Variants in AGPAT4 observed in about 807,000 individuals in gnomAD.
AGPAT4 encodes the protein 1-acylglycerol-3-phosphate O-acyltransferase 4, also known as 1-acyl-sn-glycerol-3-phosphate acyltransferase delta.
A neutral mutation model predicts 48.0 loss-of-function variants in AGPAT4; 15 were observed. The ratio of observed to expected loss-of-function variants is 0.31; its 90% confidence interval spans 0.21 to 0.48. The LOEUF (loss-of-function observed/expected upper bound fraction) is 0.48. Among genes scored for constraint, AGPAT4 ranks in the 20% least tolerant of loss-of-function variants. The probability of loss-of-function intolerance (pLI) is 0.99; values close to 1 mark genes in which losing one functional copy is unlikely to be tolerated. For synonymous variants in AGPAT4, 178 were observed against 198.7 expected (o/e 0.90, Z 0.88); for missense variants, 314 against 482.5 (o/e 0.65, Z 3.27).
intron 2 of AGPAT4, among the ~76,000 whole-genome samples, chr6:161,203,531 G>C (rs1370327611): frequency 6.6e-6 from 1 of 151,870 alleles, no homozygotes; most frequent in Non-Finnish European, 1.5e-5. Context: ...TGGGATTACA[G>C]GCGCCTGCCA....
intron 3 of AGPAT4, chr6:161,160,656 T>G (rs1268236662): frequency 3.8e-6 from 1 of 264,428 alleles, no homozygotes; most frequent in African/African-American, 2.2e-5. Flanking sequence ...AGCAGGATAC[T>G]GATCACTACT....
chr6:161,213,048 C>A (rs1018091560), intron 2 of AGPAT4, among the ~76,000 whole-genome samples: 1 of 152,238 alleles, frequency 6.6e-6, no homozygotes, highest in Admixed American at 6.5e-5. Context: ...AGCCCCTGCA[C>A]AGGGTTCCTG....
At position 161,131,942 on chromosome 6, in the gene AGPAT4, G is replaced by C. The variant is rs756357463; in HGVS notation, c.*4598C>G. 1 of 152,252 alleles carries C rather than the reference G, an allele frequency of 6.6e-6. No homozygotes were observed. The highest frequency in any genetic ancestry group is 1.5e-5 in the Non-Finnish European group (1 of 68,042). 9.4% of individuals were successfully genotyped at this position (152,252 alleles called of 1,614,324 possible). ...GTGTTTAAATGTACTTGACACTCTG[G>C]AAACACTCAACCTAAGCCCTGGATG... On this transcript the variant is annotated 3_prime_UTR_variant, in exon 9 of 9. Transcript: ENST00000320285.
At chr6:161,160,046 T>TC (rs1779880266) in intron 3 of AGPAT4, 1 of 148,928 alleles carries the variant, frequency 6.7e-6, no homozygotes, top group East Asian at 2.0e-4. Flanking sequence ...CAAGCGATTC[T>TC]CCCACCTCAG....
At position 161,196,879 on chromosome 6, in the gene AGPAT4, T is replaced by C. The variant is rs1781083910; in HGVS notation, c.179-30462A>G. Among the ~76,000 whole-genome samples, 1 of 149,704 alleles carries C rather than the reference T, an allele frequency of 6.7e-6. No homozygotes were observed. The highest frequency in any genetic ancestry group is 2.5e-5 in the African/African-American group (1 of 40,668). Reference sequence around the variant, plus strand: ...GAGGAATGAGTGGTCAACTGGATGGTCAAGAAAGTCACATCAGGACTTGCT... The same window carrying C: ...GAGGAATGAGTGGTCAACTGGATGGCCAAGAAAGTCACATCAGGACTTGCT... On this transcript the variant is annotated intron_variant, in intron 2 of 8. Transcript: ENST00000320285. The surrounding 1 kb of genome is among the most constrained non-coding windows in gnomAD (Gnocchi z 4.3).
intron 1 of AGPAT4, among the ~76,000 whole-genome samples, chr6:161,269,340 T>A (rs1436701710): frequency 6.6e-6 from 1 of 152,200 alleles, no homozygotes; most frequent in Non-Finnish European, 1.5e-5. Context: ...GTACAAAAAA[T>A]ATATAAAATG....
At chr6:161,211,552 A>C (rs1781522879) in intron 2 of AGPAT4, among the ~76,000 whole-genome samples, 1 of 152,156 alleles carries the variant, frequency 6.6e-6, no homozygotes, top group East Asian at 1.9e-4. Context: ...GTTATTTAAG[A>C]AAGAGGGACG....
chr6:161,153,237 C>T, intron 5 of AGPAT4, 109 bp downstream of exon 5: 4 of 1,426,740 alleles, frequency 2.8e-6, no homozygotes, highest in South Asian at 2.7e-5. Flanking sequence ...AGCTCCTAGC[C>T]TCAAGTCAGC....
intron 2 of AGPAT4, among the ~76,000 whole-genome samples, chr6:161,193,603 T>C (rs555136916): frequency 2.0e-5 from 3 of 152,210 alleles, no homozygotes; most frequent in Non-Finnish European, 4.4e-5. Flanking sequence ...AACCTTCCTT[T>C]TGGTTCATCT....
Position 161,219,946 on chromosome 6 carries a change from G to GCAGGCAGGCAGACAGA in AGPAT4, c.178+12089_178+12090insTCTGTCTGCCTGCCTG, listed in dbSNP as rs1247603859. 2.4e-4 allele frequency among the ~76,000 whole-genome samples: 34 copies of GCAGGCAGGCAGACAGA among 143,830 alleles called. No individual in the cohort carries two copies. Among genetic ancestry groups the GCAGGCAGGCAGACAGA allele is most frequent in the East Asian group, 1.9e-3 (9 of 4,732 alleles). The allele number at this position is 143,830 out of a possible 152,430, so 94.4% of individuals were successfully genotyped here. Reference sequence around the variant, plus strand: ...GGCAGGCAGGCAGGCAGGCAGGCAGGCAGACAGACAGACAGACAGACAGGC... The same window carrying GCAGGCAGGCAGACAGA: ...GGCAGGCAGGCAGGCAGGCAGGCAGGCAGGCAGGCAGACAGACAGACAGACAGACAGACAGACAGGC... On this transcript the variant is annotated intron_variant, in intron 2 of 8. Transcript: ENST00000320285. This position sits in a 1 kb window ranked among gnomAD's most constrained non-coding sequence, Gnocchi z 4.9.
rs9458158 is a variant in AGPAT4, at chr6:161,221,413, C to T, written c.178+10623G>A. Among the ~76,000 whole-genome samples the T allele has an allele frequency of 0.33, 49,525 of 151,838 alleles. 8,803 individuals carry two copies. The highest frequency in any genetic ancestry group is 0.46 in the African/African-American group (18,845 of 41,386). ...CATGGATAAAAGCAAGGTATTTTAT[C>T]GTATAATCTCTCATTTCCTATCTTA... is the stretch of plus-strand genomic sequence containing the variant. On this transcript the variant is annotated intron_variant, in intron 2 of 8. Coordinates refer to ENST00000320285, the MANE Select transcript of AGPAT4 (RefSeq NM_020133.3). The surrounding 1 kb of genome is among the most constrained non-coding windows in gnomAD (Gnocchi z 4.5).
Position 161,146,562 on chromosome 6 carries a change from C to T in AGPAT4, c.805G>A (p.Glu269Lys), listed in dbSNP as rs776508549. Residue 269 changes from glutamate to lysine, a missense_variant, in exon 7 of 9, where the codon GAG becomes AAG. By Grantham distance (56) the Glu-to-Lys change is moderately conservative. Transcript: ENST00000320285. This position sits in a 1 kb window ranked among gnomAD's most constrained non-coding sequence, Gnocchi z 7.1. The stretch of plus-strand genomic sequence containing the variant: ...AGCTTGTGCAGCCAGGCCGAGCACT[C>T]GTCATCGTCTTCAGGGATGTCTTCC... ...PLEDIPEDDDECSAWLHKLYQ... is the reference protein window; with the variant it reads ...PLEDIPEDDDKCSAWLHKLYQ... 1.4e-5 allele frequency: 23 copies of T among 1,614,082 alleles called. No homozygotes were observed. In the Admixed American group the frequency reaches 2.7e-4, roughly 19 times the overall value.
chr6:161,194,833 C>A (rs1365010638), intron 2 of AGPAT4, among the ~76,000 whole-genome samples: 6 of 152,142 alleles, frequency 3.9e-5, no homozygotes, highest in Non-Finnish European at 7.3e-5. Flanking sequence ...TGGTGCCTGT[C>A]ACATTGCAGG....
chr6:161,248,487 T>C (rs1249194480), intron 1 of AGPAT4, among the ~76,000 whole-genome samples: 2 of 142,960 alleles, frequency 1.4e-5, no homozygotes, highest in Non-Finnish European at 3.0e-5. Flanking sequence ...GGCAGGAGAA[T>C]AGAGTGAACC....
rs1023224914 is a variant in AGPAT4 at position 161,244,309 on chromosome 6, A to T, written c.-89-12007T>A. ...GGATGGGGCTGACACCAACGCAGACAGCACGTTCCTACATCACCAGCAAAT... is the reference window on the plus strand; with the variant it reads ...GGATGGGGCTGACACCAACGCAGACTGCACGTTCCTACATCACCAGCAAAT... On this transcript the variant is annotated intron_variant, in intron 1 of 8. Coordinates refer to ENST00000320285, the MANE Select transcript of AGPAT4 (RefSeq NM_020133.3). This position sits in a 1 kb window ranked among gnomAD's most constrained non-coding sequence, Gnocchi z 4.7. Among the ~76,000 whole-genome samples the T allele has an allele frequency of 6.6e-6, 1 of 152,254 alleles. No individual in the cohort carries two copies. The highest frequency in any genetic ancestry group is 2.4e-5 in the African/African-American group (1 of 41,466).
chr6:161,136,336 A>G lies in AGPAT4; in HGVS notation c.*204T>C. On this transcript the variant is annotated 3_prime_UTR_variant, in exon 9 of 9. Transcript: ENST00000320285. The stretch of plus-strand genomic sequence containing the variant: ...TCGCACAAAAAGAAAACCAAAGCCC[A>G]CTAAAGCACATGGGGAAAAAAAGAT... 1 of 576,802 alleles carries G rather than the reference A, an allele frequency of 1.7e-6. No individual in the cohort carries two copies. Among genetic ancestry groups the G allele is most frequent in the South Asian group, 2.0e-5 (1 of 49,932 alleles). The allele number at this position is 576,802 out of a possible 1,614,324, so 35.7% of individuals were successfully genotyped here.
At chr6:161,194,395 T>C (rs1781003980) in intron 2 of AGPAT4, among the ~76,000 whole-genome samples, 1 of 152,108 alleles carries the variant, frequency 6.6e-6, no homozygotes. Flanking sequence ...GTCTCCTCTG[T>C]CAGCCAAACC....
Position 161,149,100 on chromosome 6 carries a change from C to G in AGPAT4, c.767+87G>C. 6.7e-7 allele frequency: 1 copy of G among 1,500,076 alleles called. No individual in the cohort carries two copies. Among genetic ancestry groups the G allele is most frequent in the Non-Finnish European group, 8.9e-7 (1 of 1,124,118 alleles). 92.9% of individuals were successfully genotyped at this position (1,500,076 alleles called of 1,614,324 possible). A position where few individuals can be genotyped will look rare whatever the true frequency, so the allele number is the denominator to read the frequency against. ...AAAGAAGTCAGTGTGACCCAGGGATCCCTGGAAGAAAGTCTCTAGGTCATT... is the reference window on the plus strand; with the variant it reads ...AAAGAAGTCAGTGTGACCCAGGGATGCCTGGAAGAAAGTCTCTAGGTCATT... On this transcript the variant is annotated intron_variant, in intron 6 of 8. Coordinates refer to ENST00000320285, the MANE Select transcript of AGPAT4 (RefSeq NM_020133.3). The surrounding 1 kb of genome is among the most constrained non-coding windows in gnomAD (Gnocchi z 6.5).
At position 161,140,031 on chromosome 6, in the gene AGPAT4, G is replaced by A; in HGVS notation, c.844-411C>T. ...ATGGAGTGGATGCTGCGCCGAAGCT[G>A]CCCGCAGGGGACACTCGGTGGAGAC... On this transcript the variant is annotated intron_variant, in intron 7 of 8. Coordinates refer to ENST00000320285, the MANE Select transcript of AGPAT4 (RefSeq NM_020133.3). The surrounding 1 kb of genome is among the most constrained non-coding windows in gnomAD (Gnocchi z 6.5). 6.6e-6 allele frequency among the ~76,000 whole-genome samples: 1 copy of A among 152,240 alleles called. No individual in the cohort carries two copies. Among genetic ancestry groups the A allele is most frequent in the East Asian group, 1.9e-4 (1 of 5,186 alleles).
Sources: allele counts gnomAD v4.1 joint callset (sites outside exome capture counted in the v4.1 genomes callset), GRCh38; gene constraint gnomAD v4.1.1; non-coding constraint Gnocchi (gnomAD v3.1); transcripts MANE v1.5; gene names NCBI Gene and HGNC (gene_info 2026-07-23, HGNC 2026-07-21).